The following GRM5 variants were observed in gnomAD, a reference collection of about 807,000 sequenced individuals.
GRM5 encodes glutamate metabotropic receptor 5, also known as metabotropic glutamate receptor 5.
Under a neutral mutation model 83.1 loss-of-function variants are expected in GRM5, and 19 were observed. That is an observed-to-expected ratio of 0.23 (90% CI 0.16 to 0.34). GRM5 has a LOEUF of 0.34. GRM5 is among the 10% of genes least tolerant of loss of function. The probability of loss-of-function intolerance (pLI) is 1.00; values close to 1 mark genes in which losing one functional copy is unlikely to be tolerated. For missense variants in GRM5, 1,160 were observed against 1,588.3 expected (o/e 0.73, Z 4.58); for synonymous variants, 675 against 633.6 (o/e 1.07, Z -0.98).
At chr11:88,787,398 G>T in intron 3 of GRM5, among the ~76,000 whole-genome samples, 1 of 152,072 alleles carries the variant, frequency 6.6e-6, no homozygotes, top group East Asian at 1.9e-4. Context: ...ATGAGCAAGG[G>T]TTATTGGTGG....
At chr11:89,046,561 C>T (rs1483337506) in intron 2 of GRM5, among the ~76,000 whole-genome samples, 1 of 152,078 alleles carries the variant, frequency 6.6e-6, no homozygotes. Flanking sequence ...TTTTTCTTTC[C>T]TCACTATTCT....
At chr11:88,671,250 C>T (rs1940185916) in intron 3 of GRM5, among the ~76,000 whole-genome samples, 1 of 151,960 alleles carries the variant, frequency 6.6e-6, no homozygotes, top group Non-Finnish European at 1.5e-5. Flanking sequence ...ACCTCCCCTT[C>T]TCCCAGACAG....
chr11:88,516,964 C>T (rs3018530), intron 9 of GRM5, among the ~76,000 whole-genome samples: 27 of 151,822 alleles, frequency 1.8e-4, no homozygotes, highest in African/African-American at 6.3e-4. Flanking sequence ...TAAGATATTT[C>T]CTTAATATTT....
At chr11:88,580,919 C>G (rs1006965297) in intron 7 of GRM5, among the ~76,000 whole-genome samples, 3 of 152,092 alleles carry the variant, frequency 2.0e-5, no homozygotes, top group Admixed American at 2.0e-4. Context: ...GGCGGCCTGA[C>G]TAACAAGGTG....
intron 2 of GRM5, among the ~76,000 whole-genome samples, chr11:88,851,656 G>A (rs1014975514): frequency 6.6e-6 from 1 of 152,208 alleles, no homozygotes; most frequent in Admixed American, 6.5e-5. Flanking sequence ...CTGTCCTGAT[G>A]TGGGTGCTAC....
At chr11:88,545,005 C>T (rs777099641) in intron 8 of GRM5, among the ~76,000 whole-genome samples, 2 of 152,196 alleles carry the variant, frequency 1.3e-5, no homozygotes, top group Non-Finnish European at 2.9e-5. Flanking sequence ...CAAAAAACTT[C>T]CTCAAAGAGA....
Position 88,571,006 on chromosome 11 carries a change from G to A in GRM5, c.1691-3014C>T, listed in dbSNP as rs138102599. On this transcript the variant is annotated intron_variant, in intron 7 of 9. Transcript: ENST00000305447. The stretch of plus-strand genomic sequence containing the variant: ...ATAGCAATTTACTTATATAGGAAAC[G>A]TTATGTTTGTATATAGGGCAGGAAT... Among the ~76,000 whole-genome samples, 743 of 152,144 alleles carry A rather than the reference G, an allele frequency of 4.9e-3. 9 individuals carry two copies. Among genetic ancestry groups the A allele is most frequent in the African/African-American group, 0.017 (702 of 41,514 alleles).
intron 1 of GRM5, among the ~76,000 whole-genome samples, chr11:89,055,096 C>A (rs779382165): frequency 2.0e-5 from 3 of 152,204 alleles, no homozygotes; most frequent in Non-Finnish European, 4.4e-5. Context: ...TCCAAGTATA[C>A]ACTGTTTTAT....
At chr11:88,949,011 A>G (rs1236101083) in intron 2 of GRM5, among the ~76,000 whole-genome samples, 1 of 152,200 alleles carries the variant, frequency 6.6e-6, no homozygotes, top group Non-Finnish European at 1.5e-5. Context: ...CTAAACATGA[A>G]GCCCAGAATG....
chr11:88,531,336 T>C (rs1942002964), intron 8 of GRM5, among the ~76,000 whole-genome samples: 1 of 152,116 alleles, frequency 6.6e-6, no homozygotes, highest in Admixed American at 6.6e-5. Flanking sequence ...AAGGGGGGTT[T>C]AATCATTAAA....
At chr11:88,770,690 G>A (rs1290054580) in intron 3 of GRM5, among the ~76,000 whole-genome samples, 1 of 152,094 alleles carries the variant, frequency 6.6e-6, no homozygotes, top group Non-Finnish European at 1.5e-5. Flanking sequence ...TTTATCACAT[G>A]AAAGGAGTAA....
intron 2 of GRM5, among the ~76,000 whole-genome samples, chr11:89,012,668 G>A (rs1421570192): frequency 2.0e-5 from 3 of 152,298 alleles, no homozygotes; most frequent in Non-Finnish European, 4.4e-5. Flanking sequence ...ATGAACAGAA[G>A]GAGACATAGA....
intron 2 of GRM5, 102 bp from the exon 3 acceptor site, chr11:88,850,257 A>G (rs1275367539): frequency 6.5e-6 from 5 of 772,594 alleles, no homozygotes; most frequent in South Asian, 1.7e-5. Context: ...AGTCATTGGT[A>G]TGGGACTTGC....
intron 3 of GRM5, among the ~76,000 whole-genome samples, chr11:88,726,139 G>GA (rs1941674651): frequency 6.6e-6 from 1 of 151,984 alleles, no homozygotes; most frequent in Non-Finnish European, 1.5e-5. Context: ...TAAGAACCTT[G>GA]AAAAAAGATG....
At chr11:88,598,714 G>A (rs554121347) in intron 5 of GRM5, among the ~76,000 whole-genome samples, 1 of 152,266 alleles carries the variant, frequency 6.6e-6, no homozygotes, top group South Asian at 2.1e-4. Context: ...TGAGCTTTAA[G>A]TATTCAAAGG....
intron 2 of GRM5, among the ~76,000 whole-genome samples, chr11:88,977,994 T>A (rs763443459): frequency 6.6e-6 from 1 of 152,210 alleles, no homozygotes; most frequent in African/African-American, 2.4e-5. Context: ...TGCTTATACA[T>A]CCTTAAGTAT....
chr11:88,875,866 A>G (rs549600964), intron 2 of GRM5, among the ~76,000 whole-genome samples: 12 of 152,240 alleles, frequency 7.9e-5, no homozygotes, highest in African/African-American at 2.4e-4. Flanking sequence ...AGAGCATTCT[A>G]TAAACAGATA....
chr11:88,715,814 A>G (rs1042225499), intron 3 of GRM5, among the ~76,000 whole-genome samples: 2 of 152,040 alleles, frequency 1.3e-5, no homozygotes, highest in African/African-American at 2.4e-5. Context: ...GGTGGAAAGA[A>G]GAATCCAATC....
intron 2 of GRM5, among the ~76,000 whole-genome samples, chr11:88,976,683 C>G (rs986654260): frequency 4.6e-5 from 7 of 152,052 alleles, no homozygotes; most frequent in African/African-American, 1.7e-4. Flanking sequence ...TATACAGAAG[C>G]AACACTCAAT....
Sources: gnomAD v4.1 joint callset for allele counts (sites outside exome capture counted in the v4.1 genomes callset) on GRCh38, gnomAD v4.1.1 for gene constraint, MANE v1.5 for transcripts, NCBI Gene and HGNC (gene_info 2026-07-23, HGNC 2026-07-21) for gene names.